Variants in PMFBP1 observed in about 807,000 individuals in gnomAD.
PMFBP1 encodes the protein polyamine modulated factor 1 binding protein 1.
A neutral mutation model predicts 137.8 loss-of-function variants in PMFBP1; 131 were observed. That is an observed-to-expected ratio of 0.95 (90% CI 0.82 to 1.10). The LOEUF (loss-of-function observed/expected upper bound fraction) is 1.10, where lower values mean the gene tolerates loss of function less well. Ranked by LOEUF, PMFBP1 falls within the 50% of genes least tolerant of loss-of-function variation. The probability of loss-of-function intolerance (pLI) is 0.00; values close to 1 mark genes in which losing one functional copy is unlikely to be tolerated. For missense variants in PMFBP1, 1,199 were observed against 1,175.4 expected (o/e 1.02, Z -0.29); for synonymous variants, 490 against 450.4 (o/e 1.09, Z -1.11).
At chr16:72,175,191 C>A (rs1168741225), upstream of PMFBP1, among the ~76,000 whole-genome samples, 1 of 152,234 alleles carries the variant, frequency 6.6e-6, no homozygotes, top group Non-Finnish European at 1.5e-5. Context: ...ATCTGGGAAT[C>A]TATTGTTTTC....
At chr16:72,150,169 G>C (rs2042880131) in intron 5 of PMFBP1, among the ~76,000 whole-genome samples, 2 of 152,182 alleles carry the variant, frequency 1.3e-5, no homozygotes, top group South Asian at 4.1e-4. Context: ...TGGCCTAGCA[G>C]AGCCCCCTGC....
At chr16:72,227,927 T>A in the PMFBP1 span, among the ~76,000 whole-genome samples, 3 of 152,228 alleles carry the variant, frequency 2.0e-5, no homozygotes, top group Non-Finnish European at 4.4e-5. Context: ...TTATTGGACA[T>A]TTAGGTTGTT....
chr16:72,177,920 C>A (rs772963322), upstream of PMFBP1, among the ~76,000 whole-genome samples: 1 of 151,982 alleles, frequency 6.6e-6, no homozygotes, highest in Non-Finnish European at 1.5e-5. Context: ...GAGAAAGAGT[C>A]TTACTTTGTT....
At chr16:72,142,146 C>A (rs772247832) in intron 5 of PMFBP1, among the ~76,000 whole-genome samples, 1 of 152,040 alleles carries the variant, frequency 6.6e-6, no homozygotes, top group Non-Finnish European at 1.5e-5. Context: ...CTTCTGTGAG[C>A]AAGCTGCAGG....
In PMFBP1 at chr16:72,140,589, G is replaced by T. The variant is rs966742149; in HGVS notation, c.637-7C>A. ...CACCCTTGTTCTCAGGCTCCTGAGA[G>T]ATTTAAAAATAATGGGTTGATTTTG... On this transcript the variant is annotated splice_region_variant and splice_polypyrimidine_tract_variant and intron_variant, in intron 5 of 20. Coordinates refer to ENST00000237353, the MANE Select transcript of PMFBP1 (RefSeq NM_031293.3). The T allele has an allele frequency of 1.2e-6, 2 of 1,606,994 alleles. No individual in the cohort carries two copies. The highest frequency in any genetic ancestry group is 1.7e-6 in the Non-Finnish European group (2 of 1,175,184).
At chr16:72,134,438 C>T (rs112439757) in intron 9 of PMFBP1, among the ~76,000 whole-genome samples, 21,082 of 152,162 alleles carry the variant, frequency 0.14, 1,969 homozygotes, top group Non-Finnish European at 0.19. Context: ...CCTACCTTGG[C>T]CTCCCAAAGT....
chr16:72,133,330 C>T (rs2042576765), intron 9 of PMFBP1, among the ~76,000 whole-genome samples: 1 of 152,074 alleles, frequency 6.6e-6, no homozygotes, highest in African/African-American at 2.4e-5. Context: ...AGGTGTCCAC[C>T]ACCACGCCTG....
At chr16:72,247,891 C>T in the PMFBP1 span, among the ~76,000 whole-genome samples, 47 of 152,278 alleles carry the variant, frequency 3.1e-4, no homozygotes, top group Non-Finnish European at 2.2e-4. Context: ...GACACTTACT[C>T]ATATGATGAC....
At chr16:72,131,695 C>A (rs1020086173) in intron 10 of PMFBP1, among the ~76,000 whole-genome samples, 1 of 152,098 alleles carries the variant, frequency 6.6e-6, no homozygotes, top group African/African-American at 2.4e-5. Flanking sequence ...AAGACGGACC[C>A]GTGATGTCTC....
chr16:72,123,575 G>A lies in PMFBP1; in HGVS notation c.2664C>T (p.Thr888=). 1 of 1,614,080 alleles carries A rather than the reference G, an allele frequency of 6.2e-7. No homozygotes were observed. The highest frequency in any genetic ancestry group is 1.1e-5 in the South Asian group (1 of 91,072). ...GCTGTTTTGCCCATTGCTCCAAGTT[G>A]GTCATAATCTGATCATTCCCTCGGT... ...RLYRGNDQIM[T]NLEQWAKQQK... Residue 888 remains threonine, a synonymous_variant, in exon 18 of 21, where the codon ACC becomes ACT. Coordinates refer to ENST00000237353, the MANE Select transcript of PMFBP1 (RefSeq NM_031293.3).
chr16:72,174,519 T>A (rs1363465729), upstream of PMFBP1, among the ~76,000 whole-genome samples: 1 of 152,206 alleles, frequency 6.6e-6, no homozygotes, highest in Non-Finnish European at 1.5e-5. Context: ...TGCCGAGGTG[T>A]CACTGTCCTG....
At chr16:72,204,079 C>T in the PMFBP1 span, among the ~76,000 whole-genome samples, 2 of 152,168 alleles carry the variant, frequency 1.3e-5, no homozygotes, top group South Asian at 4.1e-4. Context: ...AAAGCTACTC[C>T]TTTTCCCAAG....
At chr16:72,194,433 T>G in the PMFBP1 span, among the ~76,000 whole-genome samples, 1 of 152,242 alleles carries the variant, frequency 6.6e-6, no homozygotes, top group East Asian at 1.9e-4. Context: ...GTCAAGCGAT[T>G]CGTTGCATTT....
At chr16:72,213,808 A>G in the PMFBP1 span, among the ~76,000 whole-genome samples, 7 of 152,366 alleles carry the variant, frequency 4.6e-5, no homozygotes, top group East Asian at 1.9e-4. Flanking sequence ...ATCAAGGATT[A>G]GTAGGTAGCA....
chr16:72,232,132 G>A, the PMFBP1 span, among the ~76,000 whole-genome samples: 3 of 152,134 alleles, frequency 2.0e-5, no homozygotes, highest in Admixed American at 2.0e-4. Flanking sequence ...TGACTATAAT[G>A]TTCACTGTAT....
At chr16:72,247,529 C>T in the PMFBP1 span, among the ~76,000 whole-genome samples, 3 of 152,180 alleles carry the variant, frequency 2.0e-5, no homozygotes, top group Non-Finnish European at 4.4e-5. Context: ...AGGTAATTTC[C>T]ACCAAATTGG....
At chr16:72,233,415 G>C in the PMFBP1 span, among the ~76,000 whole-genome samples, 2 of 152,244 alleles carry the variant, frequency 1.3e-5, no homozygotes, top group East Asian at 1.9e-4. Context: ...GTTGGGCTTG[G>C]ACACATTTAG....
At chr16:72,170,752 A>T (rs891382143) in intron 2 of PMFBP1, among the ~76,000 whole-genome samples, 2 of 152,178 alleles carry the variant, frequency 1.3e-5, no homozygotes, top group African/African-American at 4.8e-5. Context: ...AGTTTGACCA[A>T]AATATTAAAC....
upstream of PMFBP1, among the ~76,000 whole-genome samples, chr16:72,179,907 A>G (rs922452741): frequency 3.3e-5 from 5 of 152,322 alleles, no homozygotes; most frequent in African/African-American, 1.2e-4. Flanking sequence ...AACATCTAAT[A>G]AAAGAACAAA....
Sources: allele counts gnomAD v4.1 joint callset (sites outside exome capture counted in the v4.1 genomes callset), GRCh38; gene constraint gnomAD v4.1.1; transcripts MANE v1.5; gene names NCBI Gene and HGNC (gene_info 2026-07-23, HGNC 2026-07-21).